CZIB: variants seen among roughly 807,000 people sequenced by gnomAD.
The protein encoded by CZIB is UPF0587 protein C1orf123.
In CZIB, 26 loss-of-function variants were observed where a neutral mutation model predicts 28.3. The observed-to-expected ratio is 0.92, with a 90% CI of 0.67 to 1.27. The LOEUF (loss-of-function observed/expected upper bound fraction) is 1.27, where lower values mean the gene tolerates loss of function less well. CZIB is among the 50% of genes most tolerant of loss of function. CZIB has a pLI of 0.00. For synonymous variants in CZIB, 78 were observed against 71.1 expected (o/e 1.10, Z -0.49); for missense variants, 179 against 197.3 (o/e 0.91, Z 0.56).
intron 2 of CZIB, 188 bp from the exon 3 acceptor site, chr1:53,219,111 G>T: frequency 1.6e-6 from 1 of 614,022 alleles, no homozygotes; most frequent in Non-Finnish European, 2.9e-6. Context: ...AGGTAAGGCT[G>T]TTTCCTATGC....
Position 53,220,557 on chromosome 1 carries a change from G to T in CZIB, c.6+13C>A. ...TCCCCTCCGTGTCCCCGCGGCGGGC[G>T]GCCTCCCCTCACCCCCATGGTAGCC... On this transcript the variant is annotated intron_variant, in intron 1 of 7. Coordinates refer to ENST00000294360, the MANE Select transcript of CZIB (RefSeq NM_017887.3). 1 of 1,599,200 alleles carries T rather than the reference G, an allele frequency of 6.3e-7. No homozygotes were observed. The highest frequency in any genetic ancestry group is 1.1e-5 in the South Asian group (1 of 90,978).
chr1:53,218,830 G>T, intron 3 of CZIB, 37 bp downstream of exon 3: 1 of 1,569,948 alleles, frequency 6.4e-7, no homozygotes, highest in Non-Finnish European at 8.8e-7. Context: ...GTGTGTTTGT[G>T]AGTGTTTATG....
chr1:53,214,616 T>C lies in CZIB; in HGVS notation c.*43A>G. Reference sequence around the variant, plus strand: ...GTGGGCTCTGCTGCTTAGAGTACTTTGTCCTTTCTCAGTTCTTAAGGGCAA... The same window carrying C: ...GTGGGCTCTGCTGCTTAGAGTACTTCGTCCTTTCTCAGTTCTTAAGGGCAA... On this transcript the variant is annotated 3_prime_UTR_variant, in exon 8 of 8. Coordinates refer to ENST00000294360, the MANE Select transcript of CZIB (RefSeq NM_017887.3). 6.4e-7 allele frequency: 1 copy of C among 1,562,132 alleles called. No homozygotes were observed. Among genetic ancestry groups the C allele is most frequent in the Non-Finnish European group, 8.8e-7 (1 of 1,133,908 alleles).
chr1:53,216,115 T>A, intron 6 of CZIB, 59 bp from the exon 7 acceptor site: 1 of 1,542,680 alleles, frequency 6.5e-7, no homozygotes, highest in Non-Finnish European at 9.0e-7. Flanking sequence ...GGGCTATAAG[T>A]AAGGGCCGGC....
intron 4 of CZIB, 42 bp downstream of exon 4, chr1:53,218,372 T>TG (rs1406128269): frequency 1.2e-6 from 2 of 1,607,418 alleles, no homozygotes; most frequent in Admixed American, 3.3e-5. Context: ...CAGGAAGCTG[T>TG]GGGCCACCCT....
In CZIB at chr1:53,220,322, G is replaced by A; in HGVS notation, c.29C>T (p.Ala10Val). The A allele has an allele frequency of 2.5e-6, 4 of 1,613,348 alleles. No homozygotes were observed. The highest frequency in any genetic ancestry group is 3.4e-6 in the Non-Finnish European group (4 of 1,179,932). The part of the protein sequence containing the change: MGKIALQLK[A>V]TLENITNLRP... ...GAGGTTGGTGATGTTCTCCAGCGTG[G>A]CTTTGAGTTGCAGCGCGATTTTCTG... is the stretch of plus-strand genomic sequence containing the variant. Residue 10 changes from alanine (A) to valine (V), a missense_variant, in exon 2 of 8, where the codon GCC becomes GTC. Transcript: ENST00000294360.
rs1645452658 is a variant in CZIB at position 53,214,263 on chromosome 1, A to G, written c.*396T>C. 5.6e-6 allele frequency: 1 copy of G among 178,450 alleles called. No individual in the cohort carries two copies. 11.1% of individuals were successfully genotyped at this position (178,450 alleles called of 1,614,324 possible). On this transcript the variant is annotated 3_prime_UTR_variant, in exon 8 of 8. Transcript: ENST00000294360. ...CAAAGATCTTTCCAACAGCAAGTTC[A>G]GTAAGTTCAGGTAACAGTACGTCAC...
intron 2 of CZIB, 138 bp downstream of exon 2, chr1:53,220,123 C>A (rs945468339): frequency 1.4e-6 from 1 of 735,178 alleles, no homozygotes; most frequent in Non-Finnish European, 2.2e-6. Flanking sequence ...AGAAAGCAAA[C>A]GTAAAATTCT....
At chr1:53,219,180 T>G in intron 2 of CZIB, 1 of 480,546 alleles carries the variant, frequency 2.1e-6, no homozygotes, top group Non-Finnish European at 3.7e-6. Context: ...AAGGCACCTG[T>G]GGTGCAGAAA....
intron 4 of CZIB, 83 bp downstream of exon 4, chr1:53,218,331 A>C (rs1645487207): frequency 6.3e-7 from 1 of 1,579,872 alleles, no homozygotes; most frequent in African/African-American, 1.3e-5. Context: ...CTCCACCCTC[A>C]GGTAACATGA....
intron 6 of CZIB, among the ~76,000 whole-genome samples, chr1:53,216,312 G>A (rs112353494): frequency 7.9e-5 from 12 of 152,294 alleles, no homozygotes; most frequent in African/African-American, 2.9e-4. Context: ...ACTAGCCCTG[G>A]TTTGCTGAAG....
In CZIB at chr1:53,220,604, C is replaced by A; in HGVS notation, c.-29G>T. The A allele has an allele frequency of 6.3e-7, 1 of 1,593,142 alleles. No individual in the cohort carries two copies. The highest frequency in any genetic ancestry group is 1.1e-5 in the South Asian group (1 of 90,670). On this transcript the variant is annotated 5_prime_UTR_variant, in exon 1 of 8. Transcript: ENST00000294360. ...AGCCCTCTCCGCCCGGTGCTGGCTGCGGCCCTTGCCGTTGCTTTCCGGCGC... is the reference window on the plus strand; with the variant it reads ...AGCCCTCTCCGCCCGGTGCTGGCTGAGGCCCTTGCCGTTGCTTTCCGGCGC...
In CZIB at chr1:53,214,557, C is replaced by A; in HGVS notation, c.*102G>T. The stretch of plus-strand genomic sequence containing the variant: ...GCAGATTGTGAAGGTTTCGTATAGC[C>A]ACCAGGAGACAAGGGTCAAAGGAAC... On this transcript the variant is annotated 3_prime_UTR_variant, in exon 8 of 8. Transcript: ENST00000294360. 1.1e-6 allele frequency: 1 copy of A among 947,470 alleles called. No individual in the cohort carries two copies. Among genetic ancestry groups the A allele is most frequent in the South Asian group, 1.4e-5 (1 of 69,718 alleles). The allele number at this position is 947,470 out of a possible 1,614,324, so 58.7% of individuals were successfully genotyped here.
rs780139114 is a variant in CZIB at position 53,214,728 on chromosome 1, AG to A, written c.413del (p.Thr138MetfsTer21). The A allele has an allele frequency of 1.5e-5, 24 of 1,613,836 alleles. No individual in the cohort carries two copies. The highest frequency in any genetic ancestry group is 1.9e-5 in the Non-Finnish European group (23 of 1,179,984). On this transcript the variant is annotated frameshift_variant, in exon 8 of 8. Coordinates refer to ENST00000294360, the MANE Select transcript of CZIB (RefSeq NM_017887.3). LOFTEE classifies it high-confidence loss of function. ...ACTCCTGGGCCTTTTCATCATAGTCAGTCCAGTCCTGGGAAACAAAATGGCA... is the reference window on the plus strand; with the variant it reads ...ACTCCTGGGCCTTTTCATCATAGTCATCCAGTCCTGGGAAACAAAATGGCA... ...SDINLQEKDW[T>X]DYDEKAQESV...
chr1:53,218,096 G>T, intron 5 of CZIB, 76 bp downstream of exon 5: 2 of 1,481,332 alleles, frequency 1.4e-6, no homozygotes, highest in South Asian at 2.3e-5. Context: ...ATGCAGGCAT[G>T]ACTCTAGAAC....
chr1:53,216,059 G>A lies in CZIB; in HGVS notation c.340-3C>T, dbSNP rs914880655. The A allele has an allele frequency of 5.0e-6, 8 of 1,614,074 alleles. No individual in the cohort carries two copies. Among genetic ancestry groups the A allele is most frequent in the Non-Finnish European group, 6.8e-6 (8 of 1,179,950 alleles). The stretch of plus-strand genomic sequence containing the variant: ...ACACCTTCAGCAGCAAACCCAGCCT[G>A]CAGGGCACAAGAAGGTACCAGTTAG... On this transcript the variant is annotated splice_region_variant and splice_polypyrimidine_tract_variant and intron_variant, in intron 6 of 7. Coordinates refer to ENST00000294360, the MANE Select transcript of CZIB (RefSeq NM_017887.3).
rs1645512294 is a variant in CZIB, at chr1:53,220,289, A to G, written c.62T>C (p.Val21Ala). 1 of 1,613,366 alleles carries G rather than the reference A, an allele frequency of 6.2e-7. No individual in the cohort carries two copies. Among genetic ancestry groups the G allele is most frequent in the Non-Finnish European group, 8.5e-7 (1 of 1,179,870 alleles). The change falls in exon 2 of 8, where the codon GTG (valine) becomes GCG (alanine). Residue 21 changes from valine (V) to alanine (A), a missense_variant. Transcript: ENST00000294360. ...TLENITNLRP[V>A]GEDFRWYLKM... ...CAGGTACCACCGGAAGTCCTCGCCC[A>G]CGGGCCGGAGGTTGGTGATGTTCTC...
In CZIB at chr1:53,216,863, G is replaced by C. The variant is rs1477321962; in HGVS notation, c.262-4C>G. ...TGAAGTTCTCATTGTCTTCAGCCTA[G>C]AAAGGAAGTGTGTTGAGGAGGCAGG... is the stretch of plus-strand genomic sequence containing the variant. On this transcript the variant is annotated splice_region_variant and splice_polypyrimidine_tract_variant and intron_variant, in intron 5 of 7. Transcript: ENST00000294360. The C allele has an allele frequency of 6.2e-7, 1 of 1,613,874 alleles. No homozygotes were observed. Among genetic ancestry groups the C allele is most frequent in the Non-Finnish European group, 8.5e-7 (1 of 1,179,740 alleles).
chr1:53,219,790 T>C (rs1171839497), intron 2 of CZIB: 1 of 156,540 alleles, frequency 6.4e-6, no homozygotes, highest in East Asian at 1.9e-4. Flanking sequence ...GCAGAAGCTC[T>C]GGGATCTGGA....
Sources: gnomAD v4.1 joint callset for allele counts (sites outside exome capture counted in the v4.1 genomes callset) on GRCh38, gnomAD v4.1.1 for gene constraint, MANE v1.5 for transcripts, NCBI Gene and HGNC (gene_info 2026-07-23, HGNC 2026-07-21) for gene names.